Variants in IL1RAPL2 observed in about 807,000 individuals in gnomAD.
The protein encoded by IL1RAPL2 is X-linked interleukin-1 receptor accessory protein-like 2.
Under a neutral mutation model 44.1 loss-of-function variants are expected in IL1RAPL2, and 3 were observed. The observed-to-expected ratio is 0.07, with a 90% CI of 0.03 to 0.18. The LOEUF (loss-of-function observed/expected upper bound fraction) is 0.18, where lower values mean the gene tolerates loss of function less well. Among genes scored for constraint, IL1RAPL2 ranks in the 10% least tolerant of loss-of-function variants. IL1RAPL2 has a pLI of 1.00. For synonymous variants in IL1RAPL2, 181 were observed against 178.8 expected (o/e 1.01, Z -0.10); for missense variants, 391 against 496.4 (o/e 0.79, Z 2.02).
At chrX:105,512,673 G>C (rs1304080976) in intron 6 of IL1RAPL2, among the ~76,000 whole-genome samples, 1 of 111,727 alleles carries the variant, frequency 9.0e-6, no homozygotes, top group Admixed American at 9.5e-5. Context: ...CTTCAAAGGA[G>C]TGTCAGACAA....
chrX:104,797,716 C>T (rs948141229), intron 2 of IL1RAPL2, among the ~76,000 whole-genome samples: 1 of 111,966 alleles, frequency 8.9e-6, no homozygotes, highest in African/African-American at 3.2e-5. Flanking sequence ...ACAACAAAGC[C>T]TCAAGTTAGA....
At position 104,607,034 on chromosome X, in the gene IL1RAPL2, A is replaced by C. The variant is rs777935680; in HGVS notation, c.-20+39983A>C. Reference sequence around the variant, plus strand: ...CAAAACAGCATGGTGCTGGTACCAAAACAGACCTATAGACCAATGGAACAG... The same window carrying C: ...CAAAACAGCATGGTGCTGGTACCAACACAGACCTATAGACCAATGGAACAG... On this transcript the variant is annotated intron_variant, in intron 1 of 10. Transcript: ENST00000372582. Among the ~76,000 whole-genome samples, 89 of 111,891 alleles carry C rather than the reference A, an allele frequency of 8.0e-4. 1 individual carries two copies. Among genetic ancestry groups the C allele is most frequent in the African/African-American group, 2.9e-3 (88 of 30,787 alleles).
chrX:105,008,725 T>A (rs996750996), intron 2 of IL1RAPL2, among the ~76,000 whole-genome samples: 4 of 111,505 alleles, frequency 3.6e-5, no homozygotes, highest in African/African-American at 1.3e-4. Flanking sequence ...CCAAAAGTAA[T>A]GGCAACAAAA....
intron 2 of IL1RAPL2, among the ~76,000 whole-genome samples, chrX:104,676,851 T>C (rs943353957): frequency 4.5e-5 from 5 of 112,051 alleles, no homozygotes; most frequent in Non-Finnish European, 9.4e-5. Flanking sequence ...TCATTCATTT[T>C]ATCTTCCATC....
chrX:105,749,877 G>A (rs780029401), intron 9 of IL1RAPL2, among the ~76,000 whole-genome samples: 3 of 111,594 alleles, frequency 2.7e-5, no homozygotes, highest in South Asian at 3.7e-4. Flanking sequence ...TTCTCATCCC[G>A]AAACTGCTGT....
chrX:104,951,068 G>GCC (rs1925569918), intron 2 of IL1RAPL2, among the ~76,000 whole-genome samples: 1 of 111,616 alleles, frequency 9.0e-6, no homozygotes, highest in Admixed American at 9.5e-5. Context: ...ACTGACCTGC[G>GCC]CCCACTGTCT....
Position 105,642,852 on chromosome X carries a change from A to C in IL1RAPL2, c.773-74515A>C, listed in dbSNP as rs1307410016. Among the ~76,000 whole-genome samples, 3 of 112,708 alleles carry C rather than the reference A, an allele frequency of 2.7e-5. 1 individual carries two copies. In the Admixed American group the frequency reaches 2.8e-4, roughly 11 times the overall value. On this transcript the variant is annotated intron_variant, in intron 6 of 10. Transcript: ENST00000372582. ...ATAGCTGGAACCCAAGTCTCCTGAC[A>C]CCTAAGCCAGTTTTCTTCTTACTAT...
At chrX:105,465,041 C>T (rs1409106387) in intron 5 of IL1RAPL2, among the ~76,000 whole-genome samples, 1 of 112,099 alleles carries the variant, frequency 8.9e-6, no homozygotes, top group Non-Finnish European at 1.9e-5. Context: ...TCCTCATCAA[C>T]ATCATAAAAC....
chrX:105,257,905 A>T (rs998938532), intron 4 of IL1RAPL2, among the ~76,000 whole-genome samples: 1 of 111,564 alleles, frequency 9.0e-6, no homozygotes, highest in African/African-American at 3.3e-5. Context: ...GTGCCTTTTA[A>T]GTAAGGCATT....
chrX:105,133,359 C>A (rs1259238764), intron 2 of IL1RAPL2, among the ~76,000 whole-genome samples: 2 of 111,435 alleles, frequency 1.8e-5, no homozygotes, highest in Non-Finnish European at 3.8e-5. Context: ...ACATTATAAG[C>A]AGATAAATGT....
chrX:105,227,237 A>G (rs192120777), intron 3 of IL1RAPL2, among the ~76,000 whole-genome samples: 2 of 111,556 alleles, frequency 1.8e-5, no homozygotes, highest in East Asian at 5.6e-4. Context: ...TAAAATAAAA[A>G]AATTATGATA....
At chrX:104,786,779 T>A (rs1932799922) in intron 2 of IL1RAPL2, among the ~76,000 whole-genome samples, 1 of 111,105 alleles carries the variant, frequency 9.0e-6, no homozygotes, top group African/African-American at 3.3e-5. Context: ...AACAGACAAA[T>A]GAAATGCCAT....
chrX:105,489,658 CTTTCTTTCTTTCTTTCTCTTTCTT>C (rs2036295115), intron 6 of IL1RAPL2, among the ~76,000 whole-genome samples: 1 of 108,120 alleles, frequency 9.2e-6, no homozygotes, highest in Non-Finnish European at 1.9e-5. Flanking sequence ...TCCTTCCTTC[CTTTCTTTCTTTCTTTCTCTTTCTT>C]TTTCTTTCTT....
chrX:105,103,263 A>G (rs1019864508), intron 2 of IL1RAPL2, among the ~76,000 whole-genome samples: 1 of 111,667 alleles, frequency 9.0e-6, no homozygotes, highest in African/African-American at 3.3e-5. Context: ...AACACAACTG[A>G]TGATTTCCTT....
At chrX:105,381,058 CAG>C (rs201740034) in intron 5 of IL1RAPL2, among the ~76,000 whole-genome samples, 1,871 of 111,127 alleles carry the variant, frequency 0.017, 41 homozygotes, top group African/African-American at 0.058. Flanking sequence ...ATGAACAAGA[CAG>C]AGAAAAGTCC....
chrX:104,616,738 A>T (rs1371741914), intron 1 of IL1RAPL2, among the ~76,000 whole-genome samples: 1 of 111,518 alleles, frequency 9.0e-6, no homozygotes, highest in Non-Finnish European at 1.9e-5. Flanking sequence ...TTTCTGACCA[A>T]TCAATGCTTC....
At chrX:105,590,859 TTGTGTGTG>T (rs60004058) in intron 6 of IL1RAPL2, among the ~76,000 whole-genome samples, 3 of 88,587 alleles carry the variant, frequency 3.4e-5, no homozygotes, top group African/African-American at 1.2e-4. Flanking sequence ...TTGTGTGTGT[TTGTGTGTG>T]TGTGTGTGTG....
chrX:105,514,818 G>A (rs1443163911), intron 6 of IL1RAPL2, among the ~76,000 whole-genome samples: 1 of 111,823 alleles, frequency 8.9e-6, no homozygotes, highest in Non-Finnish European at 1.9e-5. Context: ...GTAAGCCACT[G>A]TAAACAAAGG....
intron 2 of IL1RAPL2, among the ~76,000 whole-genome samples, chrX:104,696,904 T>C (rs914564549): frequency 4.5e-5 from 5 of 111,800 alleles, no homozygotes. Context: ...AAGGATAGAT[T>C]TGGCACACCG....
Sources: gnomAD v4.1 joint callset for allele counts (sites outside exome capture counted in the v4.1 genomes callset) on GRCh38, gnomAD v4.1.1 for gene constraint, MANE v1.5 for transcripts, NCBI Gene and HGNC (gene_info 2026-07-23, HGNC 2026-07-21) for gene names.